The following ZFPM1 variants were observed in gnomAD, a reference collection of about 807,000 sequenced individuals.
ZFPM1 encodes zinc finger protein, FOG family member 1.
A neutral mutation model predicts 46.3 loss-of-function variants in ZFPM1; 28 were observed. The ratio of observed to expected loss-of-function variants is 0.60; its 90% CI spans 0.45 to 0.83. The LOEUF is 0.83. ZFPM1 is among the 40% of genes least tolerant of loss of function. The pLI, the probability that ZFPM1 is intolerant of heterozygous loss-of-function variation, is 0.00. For synonymous variants in ZFPM1, 957 were observed against 675.9 expected, an observed-to-expected ratio of 1.42 and a Z score of -6.45; for missense variants, 1,878 against 1,432.4, an observed-to-expected ratio of 1.31 and a Z score of -5.02.
chr16:88,476,299 C>G (rs987964161), intron 1 of ZFPM1, among the ~76,000 whole-genome samples: 6 of 152,232 alleles, frequency 3.9e-5, no homozygotes, highest in African/African-American at 1.4e-4. Flanking sequence ...GCCAGCCACA[C>G]CCCACCAGCC....
chr16:88,480,736 T>TC lies in ZFPM1; in HGVS notation c.41-5199dup, dbSNP rs1044637871. On this transcript the variant is annotated intron_variant, in intron 1 of 9. Coordinates refer to ENST00000319555, the MANE Select transcript of ZFPM1 (RefSeq NM_153813.3). The surrounding 1 kb of genome is among the most constrained non-coding windows in gnomAD (Gnocchi z 4.9). ...CAGAGCCAGGGGCACCGCAGGGGCC[T>TC]CCCCAGGGGCCTCAGACTCCTCATC... 6.6e-6 allele frequency among the ~76,000 whole-genome samples: 1 copy of TC among 151,928 alleles called. No homozygotes were observed. The highest frequency in any genetic ancestry group is 1.5e-5 in the Non-Finnish European group (1 of 67,942).
chr16:88,525,530 G>A (rs1912245005), intron 4 of ZFPM1, among the ~76,000 whole-genome samples: 1 of 152,254 alleles, frequency 6.6e-6, no homozygotes, highest in Non-Finnish European at 1.5e-5. Flanking sequence ...GTGTTTACAG[G>A]AAGTGCTGGA....
At chr16:88,473,989 G>A (rs891044846) in intron 1 of ZFPM1, among the ~76,000 whole-genome samples, 8 of 152,134 alleles carry the variant, frequency 5.3e-5, no homozygotes, top group Non-Finnish European at 8.8e-5. Flanking sequence ...CAGGCCCATC[G>A]GAGGGCCGGG....
At chr16:88,505,680 G>C (rs1047116812) in intron 3 of ZFPM1, among the ~76,000 whole-genome samples, 1 of 152,194 alleles carries the variant, frequency 6.6e-6, no homozygotes, top group East Asian at 1.9e-4. Flanking sequence ...ACCCCCTGCC[G>C]TCAGCTCCCG....
intron 1 of ZFPM1, among the ~76,000 whole-genome samples, chr16:88,479,881 T>C (rs1397874935): frequency 2.9e-5 from 3 of 104,180 alleles, no homozygotes; most frequent in Admixed American, 2.2e-4. Flanking sequence ...CCCGCAGTAC[T>C]TCCTCCCCCA....
intron 1 of ZFPM1, among the ~76,000 whole-genome samples, chr16:88,476,576 A>G (rs58397833): frequency 0.38 from 57,771 of 151,590 alleles, 11,385 homozygotes; most frequent in East Asian, 0.55. Flanking sequence ...GGAGCTGGGT[A>G]GGGGTTTGGC....
At chr16:88,520,559 T>TGGATGGACGGATGGGG (rs1172479440) in intron 4 of ZFPM1, among the ~76,000 whole-genome samples, 1 of 122,154 alleles carries the variant, frequency 8.2e-6, no homozygotes, top group African/African-American at 3.2e-5. Flanking sequence ...GATGGATGGA[T>TGGATGGACGGATGGGG]GGATGGATGG....
Position 88,533,338 on chromosome 16 carries a change from G to A in ZFPM1, c.1380G>A (p.Arg460=), listed in dbSNP as rs531563217. ...GGSSEPPAAP[R]SIKVEAVEEP... ...GCAGCGAGCCCCCGGCGGCCCCCAGGAGCATCAAGGTGGAGGCGGTGGAGG... is the reference window on the plus strand; with the variant it reads ...GCAGCGAGCCCCCGGCGGCCCCCAGAAGCATCAAGGTGGAGGCGGTGGAGG... Residue 460 remains arginine, a synonymous_variant, in exon 10 of 10, where the codon AGG becomes AGA. Coordinates refer to ENST00000319555, the MANE Select transcript of ZFPM1 (RefSeq NM_153813.3). 440 of 1,532,572 alleles carry A rather than the reference G, an allele frequency of 2.9e-4. 1 individual carries two copies. The African/African-American group carries it at 5.6e-3, about 20-fold the overall frequency. 94.9% of individuals were successfully genotyped at this position (1,532,572 alleles called of 1,614,324 possible).
intron 6 of ZFPM1, chr16:88,530,591 G>A (rs1912710624): frequency 6.6e-6 from 1 of 152,222 alleles, no homozygotes; most frequent in Admixed American, 6.5e-5. Context: ...CTGTGAAGCG[G>A]GATGCAGAGG....
chr16:88,490,988 T>A (rs1909533373), intron 3 of ZFPM1, among the ~76,000 whole-genome samples: 1 of 149,424 alleles, frequency 6.7e-6, no homozygotes, highest in African/African-American at 2.5e-5. Flanking sequence ...GACACACCTG[T>A]CGGGGGTCAG....
Position 88,497,823 on chromosome 16 carries a change from G to A in ZFPM1, c.268+8670G>A, listed in dbSNP as rs929990293. Among the ~76,000 whole-genome samples the A allele has an allele frequency of 9.9e-5, 15 of 152,280 alleles. No homozygotes were observed. The highest frequency in any genetic ancestry group is 2.2e-4 in the Non-Finnish European group (15 of 68,012). ...CTCACCCGAGTGTGTGAGGGCGTCG[G>A]GCTGGTTATCTGGGCCGAGCTCCAT... On this transcript the variant is annotated intron_variant, in intron 3 of 9. Coordinates refer to ENST00000319555, the MANE Select transcript of ZFPM1 (RefSeq NM_153813.3). The surrounding 1 kb of genome is among the most constrained non-coding windows in gnomAD (Gnocchi z 5.4).
intron 4 of ZFPM1, among the ~76,000 whole-genome samples, chr16:88,519,946 G>T (rs1427222684): frequency 1.3e-5 from 2 of 149,838 alleles, no homozygotes; most frequent in Non-Finnish European, 3.0e-5. Flanking sequence ...TGGATGGATG[G>T]ATGAATGGAT....
At chr16:88,491,055 G>A (rs530683559) in intron 3 of ZFPM1, among the ~76,000 whole-genome samples, 98 of 146,596 alleles carry the variant, frequency 6.7e-4, no homozygotes, top group African/African-American at 2.3e-3. Flanking sequence ...CGGGGGTCTC[G>A]GTCAGGCGCT....
intron 3 of ZFPM1, among the ~76,000 whole-genome samples, chr16:88,505,698 A>G (rs1446420444): frequency 6.6e-6 from 1 of 152,086 alleles, no homozygotes. Flanking sequence ...CCGGGAACGC[A>G]GCCCATGCCG....
rs1005735081 is a variant in ZFPM1, at chr16:88,480,549, C to A, written c.41-5390C>A. Among the ~76,000 whole-genome samples, 11 of 152,226 alleles carry A rather than the reference C, an allele frequency of 7.2e-5. No individual in the cohort carries two copies. Among genetic ancestry groups the A allele is most frequent in the African/African-American group, 2.7e-4 (11 of 41,462 alleles). On this transcript the variant is annotated intron_variant, in intron 1 of 9. Coordinates refer to ENST00000319555, the MANE Select transcript of ZFPM1 (RefSeq NM_153813.3). This position sits in a 1 kb window ranked among gnomAD's most constrained non-coding sequence, Gnocchi z 4.9. The stretch of plus-strand genomic sequence containing the variant: ...CAGGCACCTGCACCTCCACTTCCTC[C>A]CCTCTAGACCAAGAATGAGAGAACT...
intron 4 of ZFPM1, among the ~76,000 whole-genome samples, chr16:88,519,624 A>T (rs1843690770): frequency 8.6e-6 from 1 of 116,102 alleles, no homozygotes; most frequent in Non-Finnish European, 1.7e-5. Flanking sequence ...GGGTGGATGC[A>T]TGATTAGGTG....
At chr16:88,507,296 C>A (rs138977819) in intron 3 of ZFPM1, among the ~76,000 whole-genome samples, 1 of 152,182 alleles carries the variant, frequency 6.6e-6, no homozygotes, top group Non-Finnish European at 1.5e-5. Context: ...CTTGGCCTCA[C>A]CCCCTCAGCA....
chr16:88,464,871 C>T (rs1908062117), intron 1 of ZFPM1, among the ~76,000 whole-genome samples: 1 of 151,598 alleles, frequency 6.6e-6, no homozygotes, highest in Non-Finnish European at 1.5e-5. Flanking sequence ...AATAGCCCAG[C>T]CTCTCCACCC....
intron 3 of ZFPM1, among the ~76,000 whole-genome samples, chr16:88,512,201 C>A (rs575929941): frequency 1.8e-4 from 27 of 152,272 alleles, no homozygotes; most frequent in Admixed American, 1.4e-3. Flanking sequence ...CCTCGTGGGC[C>A]GGGTAGGGTG....
Sources: allele counts gnomAD v4.1 joint callset (sites outside exome capture counted in the v4.1 genomes callset), GRCh38; gene constraint gnomAD v4.1.1; non-coding constraint Gnocchi (gnomAD v3.1); transcripts MANE v1.5; gene names NCBI Gene and HGNC (gene_info 2026-07-23, HGNC 2026-07-21).